Variants in DOK3 observed in about 807,000 individuals in gnomAD.
DOK3 encodes the protein docking protein 3.
In DOK3, 23 loss-of-function variants were observed where a neutral mutation model predicts 26.2. The observed-to-expected ratio is 0.88, with a 90% confidence interval of 0.63 to 1.24. The LOEUF (loss-of-function observed/expected upper bound fraction) is 1.24, where lower values mean the gene tolerates loss of function less well. DOK3 is among the 50% of genes most tolerant of loss of function. DOK3 has a pLI of 0.00. For synonymous variants in DOK3, 268 were observed against 268.2 expected (o/e 1.00, Z 0.01); for missense variants, 619 against 610.6 (o/e 1.01, Z -0.15).
chr5:177,504,441 G>C lies in DOK3; in HGVS notation c.865C>G (p.Pro289Ala). 1 of 1,576,828 alleles carries C rather than the reference G, an allele frequency of 6.3e-7. No homozygotes were observed. The highest frequency in any genetic ancestry group is 8.6e-7 in the Non-Finnish European group (1 of 1,161,954). ...DTPGELREMP[P>A]GPEPPTSRKM... ...CTGGACGTGGGTGGCTCAGGTCCTG[G>C]TGGCATCTCCCGAAGCTCTCCGGGG... Residue 289 changes from proline (P) to alanine (A), a missense_variant, in exon 6 of 6, where the codon CCA becomes GCA. Physicochemically the swap from Pro to Ala is conservative, Grantham distance 27 (BLOSUM62 -1). Coordinates refer to ENST00000510898, the MANE Select transcript of DOK3 (RefSeq NM_001308236.3).
Position 177,502,803 on chromosome 5 carries a change from G to A in DOK3, c.*1180C>T. On this transcript the variant is annotated 3_prime_UTR_variant, in exon 6 of 6. Coordinates refer to ENST00000510898, the MANE Select transcript of DOK3 (RefSeq NM_001308236.3). ...GGAGGTCTGGGCTCGCCCAAGGCCGGGGACTTTGCCAGACCAGTAAGATGA... is the reference window on the plus strand; with the variant it reads ...GGAGGTCTGGGCTCGCCCAAGGCCGAGGACTTTGCCAGACCAGTAAGATGA... 1.9e-6 allele frequency: 1 copy of A among 518,064 alleles called. No homozygotes were observed. The highest frequency in any genetic ancestry group is 3.0e-5 in the East Asian group (1 of 32,928). 32.1% of individuals were successfully genotyped at this position (518,064 alleles called of 1,614,324 possible).
intron 2 of DOK3, chr5:177,508,746 T>A: frequency 2.0e-6 from 1 of 507,944 alleles, no homozygotes; most frequent in Non-Finnish European, 3.5e-6. Flanking sequence ...CTTTCCTAAC[T>A]GTGACCTCCA....
chr5:177,509,316 C>A, intron 2 of DOK3, 159 bp downstream of exon 2: 2 of 915,012 alleles, frequency 2.2e-6, no homozygotes, highest in East Asian at 2.8e-5. Flanking sequence ...GGCTGACACC[C>A]GCACTCCATT....
At chr5:177,505,175 G>C (rs767613110) in intron 3 of DOK3, 65 bp from the exon 4 acceptor site, 14 of 1,429,622 alleles carry the variant, frequency 9.8e-6, no homozygotes, top group Non-Finnish European at 1.3e-5. Context: ...CCTCCCCTCA[G>C]TATCCCAGAA....
Position 177,504,172 on chromosome 5 carries a change from G to T in DOK3, c.1134C>A (p.Asn378Lys). The change falls in exon 6 of 6, where the codon AAC becomes AAA. Residue 378 changes from asparagine to lysine, a missense_variant. Asn to Lys is a moderately conservative substitution (Grantham distance 94). Coordinates refer to ENST00000510898, the MANE Select transcript of DOK3 (RefSeq NM_001308236.3). ...RSPTTSPIYH[N>K]GQDLSWPGPA... ...GGCCGGGCCAGCTCAAGTCCTGGCCGTTGTGGTAGATGGGACTGGTTGTGG... is the reference window on the plus strand; with the variant it reads ...GGCCGGGCCAGCTCAAGTCCTGGCCTTTGTGGTAGATGGGACTGGTTGTGG... 6.2e-7 allele frequency: 1 copy of T among 1,613,894 alleles called. No homozygotes were observed. The highest frequency in any genetic ancestry group is 8.5e-7 in the Non-Finnish European group (1 of 1,179,904).
Position 177,503,235 on chromosome 5 carries a change from A to T in DOK3, c.*748T>A. The T allele has an allele frequency of 4.5e-6, 7 of 1,551,562 alleles. No homozygotes were observed. The highest frequency in any genetic ancestry group is 6.1e-6 in the Non-Finnish European group (7 of 1,146,848). ...CTCCCCCTGGAATGTCGGCTCCCGG[A>T]GAACAGGACCAAGGCTGTCCTGAAC... On this transcript the variant is annotated 3_prime_UTR_variant, in exon 6 of 6. Transcript: ENST00000510898.
In DOK3 at chr5:177,504,527, T is replaced by A. The variant is rs933686964; in HGVS notation, c.779A>T (p.Glu260Val). The A allele has an allele frequency of 6.3e-7, 1 of 1,589,844 alleles. No individual in the cohort carries two copies. The highest frequency in any genetic ancestry group is 8.5e-7 in the Non-Finnish European group (1 of 1,171,720). The change falls in exon 6 of 6, where the codon GAG becomes GTG. Residue 260 changes from glutamate (E) to valine (V), a missense_variant. By Grantham distance (121) the Glu-to-Val change is moderately radical. Transcript: ENST00000510898. The stretch of plus-strand genomic sequence containing the variant: ...GGGGCAGGGCTGGGGCCTGGTCAGC[T>A]CTGGCAGCCGCTCCCGCTGGCGGGC... ...AIARQRERLPELTRPQPCPLP... is the reference protein window; with the variant it reads ...AIARQRERLPVLTRPQPCPLP...
chr5:177,503,620 G>T lies in DOK3; in HGVS notation c.*363C>A. On this transcript the variant is annotated 3_prime_UTR_variant, in exon 6 of 6. Transcript: ENST00000510898. ...GTGCAGAGCAACATGGAGTCCTAATGATTTCCATCCCGTCTGTCTGCTGCA... is the reference window on the plus strand; with the variant it reads ...GTGCAGAGCAACATGGAGTCCTAATTATTTCCATCCCGTCTGTCTGCTGCA... 7.7e-7 allele frequency: 1 copy of T among 1,293,812 alleles called. No individual in the cohort carries two copies. The highest frequency in any genetic ancestry group is 1.0e-6 in the Non-Finnish European group (1 of 980,274). The allele number at this position is 1,293,812 out of a possible 1,614,324, so 80.1% of individuals were successfully genotyped here.
At position 177,504,107 on chromosome 5, in the gene DOK3, A is replaced by G. The variant is rs199622386; in HGVS notation, c.1199T>C (p.Leu400Pro). 1,569 of 1,613,044 alleles carry G rather than the reference A, an allele frequency of 9.7e-4. 31 individuals are homozygous for G. In the South Asian group the frequency reaches 0.016, roughly 17 times the overall value. ...DSTLEAQYRR[L>P]LELDQVEGTG... is the part of the protein sequence containing the mutation. ...GCCCTCCACCTGATCCAGCTCCAGC[A>G]GCCGCCGGTACTGGGCCTCCAGGGT... is the stretch of plus-strand genomic sequence containing the variant. Residue 400 changes from leucine (L) to proline (P), a missense_variant, in exon 6 of 6, where the codon CTG (leucine) becomes CCG (proline). Physicochemically the swap from Leu to Pro is moderately conservative, Grantham distance 98 (BLOSUM62 -3). Transcript: ENST00000510898.
At chr5:177,509,299 C>A (rs337400) in intron 2 of DOK3, 176 bp downstream of exon 2, 312,027 of 721,854 alleles carry the variant, frequency 0.43, 70,070 homozygotes, top group South Asian at 0.46. Context: ...CAGCCCCTGC[C>A]GTCTCAGGCT....
intron 2 of DOK3, chr5:177,508,904 G>C (rs963638807): frequency 7.6e-6 from 2 of 264,204 alleles, no homozygotes; most frequent in South Asian, 1.5e-4. Flanking sequence ...GGGGCACTTG[G>C]GCCACAGGCC....
rs1322101317 is a variant in DOK3, at chr5:177,503,702, C to T, written c.*281G>A. ...CCCAGGTCACCTGTGCCCCTGGAAC[C>T]GGCACAGGGTGCTTGTGTTGGCCGC... On this transcript the variant is annotated 3_prime_UTR_variant, in exon 6 of 6. Coordinates refer to ENST00000510898, the MANE Select transcript of DOK3 (RefSeq NM_001308236.3). The T allele has an allele frequency of 2.7e-5, 38 of 1,397,794 alleles. No homozygotes were observed. Among genetic ancestry groups the T allele is most frequent in the Non-Finnish European group, 3.2e-5 (35 of 1,079,542 alleles). The allele number at this position is 1,397,794 out of a possible 1,614,324, so 86.6% of individuals were successfully genotyped here. A position where few individuals can be genotyped will look rare whatever the true frequency, so the allele number is the denominator to read the frequency against.
At position 177,502,841 on chromosome 5, in the gene DOK3, CA is replaced by C. The variant is rs1007441957; in HGVS notation, c.*1141del. The C allele has an allele frequency of 7.1e-6, 4 of 562,442 alleles. No homozygotes were observed. Among genetic ancestry groups the C allele is most frequent in the Admixed American group, 3.2e-5 (1 of 31,136 alleles). The allele number at this position is 562,442 out of a possible 1,614,324, so 34.8% of individuals were successfully genotyped here. ...ACCAGTAAGATGAAACGAGAGAGAA[CA>C]GGGGGAAGGGACTATGGAGAACAAA... On this transcript the variant is annotated 3_prime_UTR_variant, in exon 6 of 6. Coordinates refer to ENST00000510898, the MANE Select transcript of DOK3 (RefSeq NM_001308236.3).
In DOK3 at chr5:177,503,512, G is replaced by A. The variant is rs1759582013; in HGVS notation, c.*471C>T. The stretch of plus-strand genomic sequence containing the variant: ...CCCAGCTCGGGCCTCCGGGTCTCCA[G>A]TTGGGCCCTCATGTTGCTCCTTCCT... On this transcript the variant is annotated 3_prime_UTR_variant, in exon 6 of 6. Coordinates refer to ENST00000510898, the MANE Select transcript of DOK3 (RefSeq NM_001308236.3). The A allele has an allele frequency of 7.0e-7, 1 of 1,436,954 alleles. No homozygotes were observed. The highest frequency in any genetic ancestry group is 1.4e-5 in the African/African-American group (1 of 69,682). 89.0% of individuals were successfully genotyped at this position (1,436,954 alleles called of 1,614,324 possible).
At chr5:177,505,792 A>T (rs529510046) in intron 3 of DOK3, among the ~76,000 whole-genome samples, 8 of 151,530 alleles carry the variant, frequency 5.3e-5, no homozygotes, top group African/African-American at 1.2e-4. Context: ...GCTGGAGTGC[A>T]GTGGCGCGAT....
chr5:177,508,582 C>A, intron 2 of DOK3, 40 bp from the exon 3 acceptor site: 2 of 1,471,192 alleles, frequency 1.4e-6, no homozygotes, highest in South Asian at 1.3e-5. Flanking sequence ...CCTTGGGTGG[C>A]AGATTGTCCG....
chr5:177,504,999 C>A lies in DOK3; in HGVS notation c.472+12G>T. 1 of 1,602,486 alleles carries A rather than the reference C, an allele frequency of 6.2e-7. No individual in the cohort carries two copies. The highest frequency in any genetic ancestry group is 8.5e-7 in the Non-Finnish European group (1 of 1,174,158). On this transcript the variant is annotated intron_variant, in intron 4 of 5. Coordinates refer to ENST00000510898, the MANE Select transcript of DOK3 (RefSeq NM_001308236.3). ...GGGGGCTGAGGCTGCCCTTGCACGTCCTCCAACTTACCTTCCTGCCAGGAG... is the reference window on the plus strand; with the variant it reads ...GGGGGCTGAGGCTGCCCTTGCACGTACTCCAACTTACCTTCCTGCCAGGAG...
At chr5:177,507,384 T>C (rs892338757) in intron 3 of DOK3, among the ~76,000 whole-genome samples, 4 of 152,188 alleles carry the variant, frequency 2.6e-5, no homozygotes, top group Non-Finnish European at 4.4e-5. Context: ...TATCCATTTG[T>C]CAGCTGATGG....
At chr5:177,505,155 T>C (rs780213219) in intron 3 of DOK3, 45 bp from the exon 4 acceptor site, 9 of 1,504,974 alleles carry the variant, frequency 6.0e-6, no homozygotes, top group African/African-American at 4.2e-5. Flanking sequence ...CGCACTCCCA[T>C]GCCCTGTCCC....
Sources: allele counts gnomAD v4.1 joint callset (sites outside exome capture counted in the v4.1 genomes callset), GRCh38; gene constraint gnomAD v4.1.1; transcripts MANE v1.5; gene names NCBI Gene and HGNC (gene_info 2026-07-23, HGNC 2026-07-21).